The following DDHD1 variants were observed in gnomAD, a reference collection of about 807,000 sequenced individuals.
DDHD1 encodes DDHD domain containing 1, also known as phospholipase DDHD1.
A neutral mutation model predicts 96.4 loss-of-function variants in DDHD1; 49 were observed. The observed-to-expected ratio is 0.51, with a 90% CI of 0.40 to 0.64. The LOEUF is 0.64. DDHD1 is among the 30% of genes least tolerant of loss of function. The pLI, the probability that DDHD1 is intolerant of heterozygous loss-of-function variation, is 0.00. For synonymous variants in DDHD1, 442 were observed against 446.5 expected (o/e 0.99, Z 0.13); for missense variants, 1,106 against 1,161.2 (o/e 0.95, Z 0.69).
intron 1 of DDHD1, among the ~76,000 whole-genome samples, chr14:53,112,971 G>GT (rs1263235343): frequency 2.6e-5 from 4 of 150,946 alleles, no homozygotes; most frequent in Admixed American, 6.6e-5. Context: ...CTTTTTTTTT[G>GT]TTTTTTGAGA....
chr14:53,103,254 G>A, intron 2 of DDHD1: 1 of 438,878 alleles, frequency 2.3e-6, no homozygotes, highest in Non-Finnish European at 3.9e-6. Context: ...TTTCAATAGG[G>A]GATAACTAAG....
chr14:53,132,159 TC>T, intron 1 of DDHD1, among the ~76,000 whole-genome samples: 1 of 152,032 alleles, frequency 6.6e-6, no homozygotes, highest in African/African-American at 2.4e-5. Context: ...CCCCACTAGC[TC>T]TCCCTAACTC....
intron 2 of DDHD1, chr14:53,096,347 A>T (rs959934805): frequency 4.9e-6 from 1 of 204,708 alleles, no homozygotes; most frequent in African/African-American, 2.4e-5. Flanking sequence ...TGCTTCATTT[A>T]TATGATTTCT....
chr14:53,089,546 C>T (rs544567262), intron 4 of DDHD1, among the ~76,000 whole-genome samples: 2 of 152,192 alleles, frequency 1.3e-5, no homozygotes, highest in African/African-American at 4.8e-5. Flanking sequence ...AGAAACCTGA[C>T]AAAAACAAGA....
chr14:53,133,846 T>C (rs550428127), intron 1 of DDHD1, among the ~76,000 whole-genome samples: 2 of 152,260 alleles, frequency 1.3e-5, no homozygotes, highest in African/African-American at 4.8e-5. Context: ...TCAGTTCTTG[T>C]TAAGAATCTG....
intron 1 of DDHD1, among the ~76,000 whole-genome samples, chr14:53,131,646 T>A (rs1889873504): frequency 6.6e-6 from 1 of 152,180 alleles, no homozygotes; most frequent in African/African-American, 2.4e-5. Context: ...ACCTGAGCTG[T>A]ACTGCCGGAA....
chr14:53,100,015 C>G (rs1205914493), intron 2 of DDHD1, among the ~76,000 whole-genome samples: 1 of 151,818 alleles, frequency 6.6e-6, no homozygotes, highest in Non-Finnish European at 1.5e-5. Context: ...AGTTGGCACT[C>G]CTGATCTGCA....
chr14:53,114,326 T>C (rs1888382533), intron 1 of DDHD1, among the ~76,000 whole-genome samples: 1 of 152,202 alleles, frequency 6.6e-6, no homozygotes, highest in African/African-American at 2.4e-5. Context: ...GCCTGCCGAC[T>C]CTGAAGACAG....
chr14:53,073,272 C>T (rs1022961069), intron 5 of DDHD1, among the ~76,000 whole-genome samples: 5 of 151,890 alleles, frequency 3.3e-5, no homozygotes, highest in African/African-American at 1.2e-4. Flanking sequence ...GATTGTAATT[C>T]ACCAGCCCAG....
At chr14:53,075,690 C>A (rs2139926405) in intron 4 of DDHD1, among the ~76,000 whole-genome samples, 1 of 152,276 alleles carries the variant, frequency 6.6e-6, no homozygotes, top group East Asian at 1.9e-4. Flanking sequence ...GAGGAGAAGT[C>A]AATTCCTGGC....
intron 1 of DDHD1, among the ~76,000 whole-genome samples, chr14:53,148,834 GTA>G (rs1208048172): frequency 6.6e-6 from 1 of 152,174 alleles, no homozygotes; most frequent in Non-Finnish European, 1.5e-5. Flanking sequence ...AAAATAAGGT[GTA>G]TAGTTTTTGT....
intron 2 of DDHD1, among the ~76,000 whole-genome samples, chr14:53,094,915 T>G (rs1886751037): frequency 6.6e-6 from 1 of 151,958 alleles, no homozygotes; most frequent in Admixed American, 6.6e-5. Context: ...AAATGAGGCC[T>G]TAAAAAAATT....
At chr14:53,108,819 T>C (rs1026140739) in intron 1 of DDHD1, among the ~76,000 whole-genome samples, 1 of 152,226 alleles carries the variant, frequency 6.6e-6, no homozygotes, top group Admixed American at 6.5e-5. Flanking sequence ...TCTAAGTTTG[T>C]GGTTTTTGTA....
intron 1 of DDHD1, among the ~76,000 whole-genome samples, chr14:53,139,543 G>A (rs1890487627): frequency 6.6e-6 from 1 of 152,072 alleles, no homozygotes; most frequent in Non-Finnish European, 1.5e-5. Flanking sequence ...CTCCCAACTA[G>A]GTTGCTCAAT....
chr14:53,144,403 G>A (rs1414946353), intron 1 of DDHD1, among the ~76,000 whole-genome samples: 1 of 152,208 alleles, frequency 6.6e-6, no homozygotes, highest in Non-Finnish European at 1.5e-5. Flanking sequence ...CATTTCAGCA[G>A]TAGATAGCCA....
rs915698507 is a variant in DDHD1, at chr14:53,088,068, G to A, written c.1289+3717C>T. Among the ~76,000 whole-genome samples the A allele has an allele frequency of 2.0e-5, 3 of 152,134 alleles. No individual in the cohort carries two copies. In the East Asian group the frequency reaches 5.8e-4, roughly 29 times the overall value. ...TGCGAATAAACCAGAAAATCTAGAA[G>A]AAATGGATAAATTCCTGGACACATA... is the stretch of plus-strand genomic sequence containing the variant. On this transcript the variant is annotated intron_variant, in intron 4 of 12. Coordinates refer to ENST00000673822, the MANE Select transcript of DDHD1 (RefSeq NM_001160148.2).
At chr14:53,113,127 C>A (rs946418378) in intron 1 of DDHD1, among the ~76,000 whole-genome samples, 12 of 151,382 alleles carry the variant, frequency 7.9e-5, no homozygotes, top group Non-Finnish European at 1.5e-4. Context: ...ACCTGGCTAA[C>A]TTTTCTATTT....
intron 1 of DDHD1, among the ~76,000 whole-genome samples, chr14:53,143,389 G>T (rs1356250183): frequency 6.6e-6 from 1 of 152,122 alleles, no homozygotes; most frequent in Non-Finnish European, 1.5e-5. Flanking sequence ...AATAGCTCTT[G>T]AACACAAATT....
At chr14:53,075,948 G>A (rs4898780) in intron 4 of DDHD1, among the ~76,000 whole-genome samples, 26,884 of 151,910 alleles carry the variant, frequency 0.18, 2,564 homozygotes, top group East Asian at 0.33. Context: ...AAAAAAAAAC[G>A]ATTCCTTTCA....
Sources: allele counts gnomAD v4.1 joint callset (sites outside exome capture counted in the v4.1 genomes callset), GRCh38; gene constraint gnomAD v4.1.1; transcripts MANE v1.5; gene names NCBI Gene and HGNC (gene_info 2026-07-23, HGNC 2026-07-21).